Variants in TMEM196 observed in about 807,000 individuals in gnomAD.
The protein encoded by TMEM196 is transmembrane protein 196.
Under a neutral mutation model 20.0 loss-of-function variants are expected in TMEM196, and 17 were observed. The observed-to-expected ratio is 0.85, with a 90% CI of 0.58 to 1.27. The LOEUF (loss-of-function observed/expected upper bound fraction) is 1.27. TMEM196 is among the 50% of genes most tolerant of loss of function. TMEM196 has a pLI of 0.00. For missense variants in TMEM196, 267 were observed against 223.0 expected (o/e 1.20, Z -1.26); for synonymous variants, 113 against 88.9 (o/e 1.27, Z -1.52).
In TMEM196 at chr7:19,721,897, T is replaced by C. The variant is rs544448793; in HGVS notation, c.*231A>G. On this transcript the variant is annotated 3_prime_UTR_variant, in exon 5 of 5. Transcript: ENST00000405844. ...TACTAGAATGTTTCTGGAAAGTTTT[T>C]TACCCCATAAAAAAGGGTGGAGAAA... The C allele has an allele frequency of 3.5e-6, 2 of 568,856 alleles. No individual in the cohort carries two copies. Among genetic ancestry groups the C allele is most frequent in the South Asian group, 4.6e-5 (2 of 43,520 alleles). The allele number at this position is 568,856 out of a possible 1,614,324, so 35.2% of individuals were successfully genotyped here. A position where few individuals can be genotyped will look rare whatever the true frequency, so the allele number is the denominator to read the frequency against.
intron 1 of TMEM196, among the ~76,000 whole-genome samples, chr7:19,765,436 A>C (rs888341358): frequency 6.6e-6 from 1 of 152,208 alleles, no homozygotes; most frequent in African/African-American, 2.4e-5. Flanking sequence ...TGAATAATAC[A>C]TCATGTAATA....
chr7:19,731,575 A>G (rs1256817912), intron 1 of TMEM196, among the ~76,000 whole-genome samples: 1 of 152,220 alleles, frequency 6.6e-6, no homozygotes, highest in African/African-American at 2.4e-5. Context: ...TCCAGAACTC[A>G]TTCGAAAAGA....
At chr7:19,760,198 C>T (rs1227540629) in intron 1 of TMEM196, among the ~76,000 whole-genome samples, 4 of 152,050 alleles carry the variant, frequency 2.6e-5, no homozygotes, top group Non-Finnish European at 5.9e-5. Flanking sequence ...TCTTTACTCA[C>T]GCTATTCCTC....
At position 19,773,561 on chromosome 7, in the gene TMEM196, C is replaced by G. The variant is rs569788216; in HGVS notation, c.-865G>C. The G allele has an allele frequency of 5.9e-6, 1 of 169,520 alleles. No homozygotes were observed. The highest frequency in any genetic ancestry group is 2.0e-4 in the South Asian group (1 of 4,926). The allele number at this position is 169,520 out of a possible 1,614,324, so 10.5% of individuals were successfully genotyped here. ...CCGCAGCAACAGAAATCCAGGCGAC[C>G]CCTACCTCCGCTTCTCCCCGTGGCT... is the stretch of plus-strand genomic sequence containing the variant. On this transcript the variant is annotated 5_prime_UTR_variant, in exon 1 of 5. Transcript: ENST00000405844.
intron 1 of TMEM196, among the ~76,000 whole-genome samples, chr7:19,761,922 A>T (rs1457310539): frequency 6.6e-6 from 1 of 152,194 alleles, no homozygotes; most frequent in Non-Finnish European, 1.5e-5. Flanking sequence ...TCTCCCCCTC[A>T]GTGTTCATGT....
chr7:19,750,906 T>C (rs1174841741), intron 1 of TMEM196, among the ~76,000 whole-genome samples: 1 of 152,182 alleles, frequency 6.6e-6, no homozygotes, highest in African/African-American at 2.4e-5. Flanking sequence ...GTGTTTTGTT[T>C]CCAAAGGTAT....
intron 1 of TMEM196, among the ~76,000 whole-genome samples, chr7:19,748,526 G>T (rs1784847751): frequency 6.6e-6 from 1 of 152,120 alleles, no homozygotes; most frequent in African/African-American, 2.4e-5. Context: ...AATGGCAGAA[G>T]CAGGACACAA....
rs1783813039 is a variant in TMEM196, at chr7:19,721,528, T to C, written c.*600A>G. 1 of 152,072 alleles carries C rather than the reference T, an allele frequency of 6.6e-6. No homozygotes were observed. Among genetic ancestry groups the C allele is most frequent in the Admixed American group, 6.6e-5 (1 of 15,252 alleles). The allele number at this position is 152,072 out of a possible 1,614,324, so 9.4% of individuals were successfully genotyped here. On this transcript the variant is annotated 3_prime_UTR_variant, in exon 5 of 5. Transcript: ENST00000405844. ...TATTCTCTCTCTCTAAAAAGTCTCT[T>C]TTTTATGCTTGAGGTTTTTTGTCAT...
intron 1 of TMEM196, among the ~76,000 whole-genome samples, chr7:19,747,904 A>G (rs974422201): frequency 6.6e-6 from 1 of 152,118 alleles, no homozygotes; most frequent in Non-Finnish European, 1.5e-5. Context: ...CCTAAAGGTT[A>G]TTGGATTCTA....
chr7:19,772,477 G>A, intron 1 of TMEM196, 73 bp downstream of exon 1: 1 of 1,383,204 alleles, frequency 7.2e-7, no homozygotes, highest in East Asian at 2.9e-5. Flanking sequence ...ACTAATGCGC[G>A]CACCCTGACC....
Position 19,729,449 on chromosome 7 carries a change from A to C in TMEM196, c.148-11T>G. 6.5e-7 allele frequency: 1 copy of C among 1,550,048 alleles called. No individual in the cohort carries two copies. The highest frequency in any genetic ancestry group is 8.7e-7 in the Non-Finnish European group (1 of 1,146,668). On this transcript the variant is annotated splice_polypyrimidine_tract_variant and intron_variant, in intron 1 of 4. Transcript: ENST00000405844. ...GCCACAAAGAAGAAACTGAAAAGGA[A>C]AAGAAGAACAATTACTCCTTATCCA...
chr7:19,772,883 G>T lies in TMEM196; in HGVS notation c.-187C>A. On this transcript the variant is annotated 5_prime_UTR_variant, in exon 1 of 5. Transcript: ENST00000405844. ...AAGACCTTCCCTGGCTGGGCCAGAGGCAAAGGAGCTGCTCCACCCCCTGGC... is the reference window on the plus strand; with the variant it reads ...AAGACCTTCCCTGGCTGGGCCAGAGTCAAAGGAGCTGCTCCACCCCCTGGC... The T allele has an allele frequency of 2.1e-6, 1 of 474,438 alleles. No homozygotes were observed. The highest frequency in any genetic ancestry group is 3.5e-6 in the Non-Finnish European group (1 of 288,004). The allele number at this position is 474,438 out of a possible 1,614,324, so 29.4% of individuals were successfully genotyped here. A position where few individuals can be genotyped will look rare whatever the true frequency, so the allele number is the denominator to read the frequency against.
intron 1 of TMEM196, among the ~76,000 whole-genome samples, chr7:19,749,661 A>G (rs928012255): frequency 6.6e-6 from 1 of 152,180 alleles, no homozygotes; most frequent in African/African-American, 2.4e-5. Flanking sequence ...CAAGGAGAGA[A>G]CAAGGCCTTT....
At chr7:19,766,039 C>T (rs1018959163) in intron 1 of TMEM196, among the ~76,000 whole-genome samples, 1 of 151,988 alleles carries the variant, frequency 6.6e-6, no homozygotes, top group Admixed American at 6.6e-5. Flanking sequence ...TATGCCAGGC[C>T]CAGAACTAGC....
intron 1 of TMEM196, among the ~76,000 whole-genome samples, chr7:19,740,382 A>G (rs1177879348): frequency 6.6e-6 from 1 of 152,182 alleles, no homozygotes; most frequent in Non-Finnish European, 1.5e-5. Context: ...TATTTGGGTT[A>G]GAGGAGTGAT....
At position 19,725,716 on chromosome 7, in the gene TMEM196, T is replaced by G; in HGVS notation, c.257A>C (p.Asn86Thr). ...CICGLIGGIL[N>T]FQFLRAVTKK... ...TGTGACTGCCCGGAGGAACTGAAAA[T>G]TCAGGATGCCCCCAATAAGTCCACA... The change falls in exon 3 of 5, where the codon AAT becomes ACT. Residue 86 changes from asparagine to threonine, a missense_variant. By Grantham distance (65) the Asn-to-Thr change is moderately conservative (BLOSUM62 0). Transcript: ENST00000405844. 6.2e-7 allele frequency: 1 copy of G among 1,613,052 alleles called. No individual in the cohort carries two copies. Among genetic ancestry groups the G allele is most frequent in the African/African-American group, 1.3e-5 (1 of 74,986 alleles).
At chr7:19,762,039 A>G (rs1785456210) in intron 1 of TMEM196, among the ~76,000 whole-genome samples, 1 of 152,182 alleles carries the variant, frequency 6.6e-6, no homozygotes, top group South Asian at 2.1e-4. Flanking sequence ...TATTTTGAGC[A>G]TGCTAAGTAA....
chr7:19,747,011 T>G (rs904552917), intron 1 of TMEM196, among the ~76,000 whole-genome samples: 1 of 152,012 alleles, frequency 6.6e-6, no homozygotes, highest in Admixed American at 6.6e-5. Flanking sequence ...ATCCCAGCAC[T>G]TTGGGAGGCC....
chr7:19,749,287 G>C (rs1784873831), intron 1 of TMEM196, among the ~76,000 whole-genome samples: 1 of 152,300 alleles, frequency 6.6e-6, no homozygotes, highest in Non-Finnish European at 1.5e-5. Context: ...TACGGAGAGA[G>C]CCAATCAAAA....
Sources: gnomAD v4.1 joint callset for allele counts (sites outside exome capture counted in the v4.1 genomes callset) on GRCh38, gnomAD v4.1.1 for gene constraint, MANE v1.5 for transcripts, NCBI Gene and HGNC (gene_info 2026-07-23, HGNC 2026-07-21) for gene names.